Variants in CDKAL1 observed in about 807,000 individuals in gnomAD.
CDKAL1 encodes the protein threonylcarbamoyladenosine tRNA methylthiotransferase.
Under a neutral mutation model 68.2 loss-of-function variants are expected in CDKAL1, and 32 were observed. That is an observed-to-expected ratio of 0.47 (90% CI 0.35 to 0.63). The LOEUF is 0.63. Among genes scored for constraint, CDKAL1 ranks in the 30% least tolerant of loss-of-function variants. The probability of loss-of-function intolerance (pLI) is 0.00; values close to 1 mark genes in which losing one functional copy is unlikely to be tolerated. For synonymous variants in CDKAL1, 234 were observed against 244.3 expected, an observed-to-expected ratio of 0.96 and a Z score of 0.39; for missense variants, 606 against 696.7, an observed-to-expected ratio of 0.87 and a Z score of 1.47.
At chr6:20,759,618 C>G (rs968083566) in intron 7 of CDKAL1, among the ~76,000 whole-genome samples, 6 of 152,058 alleles carry the variant, frequency 3.9e-5, no homozygotes, top group Non-Finnish European at 8.8e-5. Context: ...TTTGTAAGTA[C>G]TTTTAACAGT....
At chr6:20,863,956 T>C (rs1346358440) in intron 9 of CDKAL1, among the ~76,000 whole-genome samples, 1 of 152,234 alleles carries the variant, frequency 6.6e-6, no homozygotes, top group Admixed American at 6.5e-5. Flanking sequence ...ACCTTCATTT[T>C]ATAGTCATAC....
chr6:20,788,218 C>A (rs1351432475), intron 8 of CDKAL1, among the ~76,000 whole-genome samples: 1 of 152,202 alleles, frequency 6.6e-6, no homozygotes, highest in Non-Finnish European at 1.5e-5. Flanking sequence ...TAAATACTAG[C>A]TAAGAGTGTG....
intron 13 of CDKAL1, among the ~76,000 whole-genome samples, chr6:21,160,155 T>C (rs533805676): frequency 9.2e-5 from 14 of 152,336 alleles, no homozygotes; most frequent in African/African-American, 3.1e-4. Context: ...AGACCCGCTT[T>C]AAGTCACCTA....
intron 4 of CDKAL1, among the ~76,000 whole-genome samples, chr6:20,568,382 G>T (rs962672226): frequency 6.6e-6 from 1 of 152,036 alleles, no homozygotes; most frequent in Non-Finnish European, 1.5e-5. Context: ...AAGTGTGGGG[G>T]ACAGGTCATC....
intron 13 of CDKAL1, among the ~76,000 whole-genome samples, chr6:21,186,788 T>C (rs2151092334): frequency 6.6e-6 from 1 of 152,224 alleles, no homozygotes; most frequent in African/African-American, 2.4e-5. Context: ...GAAAAATGAC[T>C]AATATCCTTT....
intron 4 of CDKAL1, among the ~76,000 whole-genome samples, chr6:20,565,183 T>G (rs1764413905): frequency 6.6e-6 from 1 of 152,132 alleles, no homozygotes; most frequent in South Asian, 2.1e-4. Context: ...TGTCAGTGAT[T>G]TTTACAGGGG....
intron 8 of CDKAL1, chr6:20,799,651 T>G (rs1776284531): frequency 6.6e-6 from 1 of 152,214 alleles, no homozygotes; most frequent in East Asian, 1.9e-4. Context: ...GAAGACATCT[T>G]TCAGTAGTAT....
chr6:20,837,317 G>C (rs1205098663), intron 8 of CDKAL1, among the ~76,000 whole-genome samples: 1 of 151,568 alleles, frequency 6.6e-6, no homozygotes, highest in East Asian at 1.9e-4. Flanking sequence ...TTCCCAGGAT[G>C]TTTTGACTCA....
chr6:20,583,375 T>C (rs1041759489), intron 4 of CDKAL1, among the ~76,000 whole-genome samples: 5 of 152,208 alleles, frequency 3.3e-5, no homozygotes, highest in Admixed American at 2.6e-4. Context: ...GTAAGAGTAA[T>C]GTTCTGATTA....
intron 11 of CDKAL1, among the ~76,000 whole-genome samples, chr6:21,039,940 G>C (rs1769825940): frequency 6.6e-6 from 1 of 152,118 alleles, no homozygotes; most frequent in Non-Finnish European, 1.5e-5. Context: ...GGCTGATTTT[G>C]TGCAGTAAAC....
intron 14 of CDKAL1, among the ~76,000 whole-genome samples, chr6:21,198,744 A>G (rs746963038): frequency 5.9e-5 from 9 of 152,132 alleles, no homozygotes; most frequent in Non-Finnish European, 1.3e-4. Context: ...GGCGCCCCCA[A>G]TTACTAGCCC....
intron 4 of CDKAL1, among the ~76,000 whole-genome samples, chr6:20,591,148 A>G (rs534635484): frequency 1.3e-5 from 2 of 152,278 alleles, no homozygotes; most frequent in South Asian, 4.1e-4. Context: ...GACCACATAA[A>G]TGTCTTCTTT....
At chr6:20,695,734 A>AT (rs202012473) in intron 5 of CDKAL1, among the ~76,000 whole-genome samples, 2,785 of 151,900 alleles carry the variant, frequency 0.018, 90 homozygotes, top group African/African-American at 0.064. Context: ...GTTTTTATTG[A>AT]TTTTTTTGTT....
chr6:21,052,707 C>G (rs1260748911), intron 11 of CDKAL1, among the ~76,000 whole-genome samples: 1 of 151,938 alleles, frequency 6.6e-6, no homozygotes, highest in Non-Finnish European at 1.5e-5. Context: ...CTACACCTGT[C>G]AAAGTTGAAC....
intron 13 of CDKAL1, among the ~76,000 whole-genome samples, chr6:21,144,192 C>T (rs1776054068): frequency 1.3e-5 from 2 of 152,142 alleles, no homozygotes; most frequent in Non-Finnish European, 2.9e-5. Context: ...AAATAACTCT[C>T]AAACAAGTTA....
In CDKAL1 at chr6:21,126,242, G is replaced by T. The variant is rs970857016; in HGVS notation, c.1299+17779G>T. Among the ~76,000 whole-genome samples, 81 of 152,148 alleles carry T rather than the reference G, an allele frequency of 5.3e-4. 1 individual carries two copies. The highest frequency in any genetic ancestry group is 1.5e-5 in the Non-Finnish European group (1 of 68,032). ...TGAAATTAAGGGGAATGATTTAATA[G>T]CAGTCTGTTCTTTCCTCTGTAGTTA... On this transcript the variant is annotated intron_variant, in intron 13 of 15. Transcript: ENST00000274695.
intron 15 of CDKAL1, among the ~76,000 whole-genome samples, chr6:21,222,945 G>T (rs1237575330): frequency 2.6e-5 from 4 of 152,148 alleles, no homozygotes; most frequent in Non-Finnish European, 5.9e-5. Flanking sequence ...GTGTGTGCAT[G>T]TGTGTGTTCA....
chr6:20,851,905 A>G (rs1759033541), intron 9 of CDKAL1, among the ~76,000 whole-genome samples: 1 of 152,044 alleles, frequency 6.6e-6, no homozygotes, highest in African/African-American at 2.4e-5. Flanking sequence ...ATCAAGTCCC[A>G]TTTGACTGTA....
At chr6:20,818,475 T>C (rs1173648650) in intron 8 of CDKAL1, among the ~76,000 whole-genome samples, 1 of 152,090 alleles carries the variant, frequency 6.6e-6, no homozygotes, top group Non-Finnish European at 1.5e-5. Flanking sequence ...AACATAACTT[T>C]TCTGTCTCCT....
Sources: allele counts gnomAD v4.1 joint callset (sites outside exome capture counted in the v4.1 genomes callset), GRCh38; gene constraint gnomAD v4.1.1; transcripts MANE v1.5; gene names NCBI Gene and HGNC (gene_info 2026-07-23, HGNC 2026-07-21).